The following CLSPN variants were observed in gnomAD, a reference collection of about 807,000 sequenced individuals.
The protein encoded by CLSPN is claspin homolog.
A neutral mutation model predicts 156.3 loss-of-function variants in CLSPN; 85 were observed. The ratio of observed to expected loss-of-function variants is 0.54; its 90% confidence interval spans 0.46 to 0.65. The LOEUF is 0.65. CLSPN is among the 30% of genes least tolerant of loss of function. CLSPN has a pLI of 0.00. For missense variants in CLSPN, 1,407 were observed against 1,554.9 expected (o/e 0.90, Z 1.60); for synonymous variants, 534 against 542.4 (o/e 0.98, Z 0.22).
At chr1:35,740,002 T>C (rs1641638251) in intron 18 of CLSPN, among the ~76,000 whole-genome samples, 1 of 152,218 alleles carries the variant, frequency 6.6e-6, no homozygotes, top group Non-Finnish European at 1.5e-5. Flanking sequence ...CAAGGTCACA[T>C]AGCTAGAAGG....
rs116320400 is a variant in CLSPN at position 35,753,784 on chromosome 1, C to T, written c.1732G>A (p.Ala578Thr). Residue 578 changes from alanine to threonine, a missense_variant, in exon 9 of 25, where the codon GCA becomes ACA. Coordinates refer to ENST00000318121, the MANE Select transcript of CLSPN (RefSeq NM_022111.4). ...LKADVVPVTLAPKKLDGASHT... is the reference protein window; with the variant it reads ...LKADVVPVTLTPKKLDGASHT... The stretch of plus-strand genomic sequence containing the variant: ...CTTGCTCCATCCAACTTCTTAGGTG[C>T]TAAAGTCACAGGTACCACATCTGCT... 1.4e-4 allele frequency: 229 copies of T among 1,614,198 alleles called. 2 individuals are homozygous for T. In the African/African-American group the frequency reaches 2.7e-3, roughly 19 times the overall value.
intron 1 of CLSPN, among the ~76,000 whole-genome samples, chr1:35,766,704 A>C (rs1642688268): frequency 6.6e-6 from 1 of 152,104 alleles, no homozygotes; most frequent in Non-Finnish European, 1.5e-5. Context: ...TCAGCCTCCC[A>C]AAGTGGTGGG....
chr1:35,768,112 G>A (rs1481770871), intron 1 of CLSPN, among the ~76,000 whole-genome samples: 1 of 152,222 alleles, frequency 6.6e-6, no homozygotes, highest in Non-Finnish European at 1.5e-5. Context: ...GCTCACGCCT[G>A]TAATCCCAGC....
intron 4 of CLSPN, among the ~76,000 whole-genome samples, chr1:35,762,715 GATA>G (rs1478744206): frequency 6.6e-6 from 1 of 152,008 alleles, no homozygotes; most frequent in Non-Finnish European, 1.5e-5. Flanking sequence ...CCTAAAGAGG[GATA>G]ATAACTCGCA....
rs1641525323 is a variant in CLSPN at position 35,737,706 on chromosome 1, C to CT, written c.3664+285dup. 6.5e-6 allele frequency: 3 copies of CT among 460,312 alleles called. No homozygotes were observed. In the South Asian group the frequency reaches 1.3e-4, roughly 20 times the overall value. The allele number at this position is 460,312 out of a possible 1,614,324, so 28.5% of individuals were successfully genotyped here. A position where few individuals can be genotyped will look rare whatever the true frequency, so the allele number is the denominator to read the frequency against. On this transcript the variant is annotated intron_variant, in intron 22 of 24. Transcript: ENST00000318121. ...CTGGATTCAAATCCTACCTCTAACA[C>CT]TTAGGTATACAATCCTGGGCAACTA...
rs760992491 is a variant in CLSPN, at chr1:35,760,362, A to G, written c.1559T>C (p.Leu520Pro). 3 of 1,613,298 alleles carry G rather than the reference A, an allele frequency of 1.9e-6. No homozygotes were observed. Among genetic ancestry groups the G allele is most frequent in the South Asian group, 1.1e-5 (1 of 90,990 alleles). ...LGADEDSFVILEPETNRELEA... is the reference protein window; with the variant it reads ...LGADEDSFVIPEPETNRELEA... ...ATTACCTCTGTTGGTTTCAGGTTCAAGTATCACAAAGGAATCTTCATCAGC... is the reference window on the plus strand; with the variant it reads ...ATTACCTCTGTTGGTTTCAGGTTCAGGTATCACAAAGGAATCTTCATCAGC... The change falls in exon 8 of 25, where the codon CTT becomes CCT. Residue 520 changes from leucine to proline, a missense_variant. Physicochemically the swap from Leu to Pro is moderately conservative, Grantham distance 98 (BLOSUM62 -3). This residue lies in a region of CLSPN where 1,096 missense variants were observed against 1,193.0 expected (regional missense o/e 0.92). Transcript: ENST00000318121.
At chr1:35,725,032 G>T (rs1641146505) in intron 24 of CLSPN, among the ~76,000 whole-genome samples, 3 of 152,160 alleles carry the variant, frequency 2.0e-5, no homozygotes, top group Admixed American at 2.0e-4. Flanking sequence ...CATTTTTAGA[G>T]CCTTGAAGTA....
intron 10 of CLSPN, 101 bp downstream of exon 10, chr1:35,751,147 CCT>C (rs933402202): frequency 6.9e-7 from 1 of 1,457,430 alleles, no homozygotes; most frequent in African/African-American, 1.4e-5. Context: ...GCCCCTAAAA[CCT>C]CTTATACAAT....
intron 21 of CLSPN, 45 bp from the exon 22 acceptor site, chr1:35,738,142 AG>A: frequency 1.4e-6 from 1 of 721,514 alleles, no homozygotes. Flanking sequence ...ATATATATAC[AG>A]CATTAAAAGT....
chr1:35,744,062 C>T (rs1210295410), intron 16 of CLSPN, among the ~76,000 whole-genome samples: 1 of 152,118 alleles, frequency 6.6e-6, no homozygotes, highest in African/African-American at 2.4e-5. Context: ...GTGTTAAGTA[C>T]ATTCATATTG....
chr1:35,749,523 G>T lies in CLSPN; in HGVS notation c.2216C>A (p.Pro739His). The T allele has an allele frequency of 6.2e-7, 1 of 1,614,006 alleles. No homozygotes were observed. The highest frequency in any genetic ancestry group is 1.1e-5 in the South Asian group (1 of 91,066). ...KDSSSKMGYF[P>H]TEEKSETDEN... ...ATCTGTTTCTGATTTTTCTTCAGTA[G>T]GAAAGTAACTGCAAAATAAGAAAGT... Residue 739 changes from proline to histidine, a missense_variant, in exon 12 of 25, where the codon CCT becomes CAT. Physicochemically the swap from Pro to His is moderately conservative, Grantham distance 77. Coordinates refer to ENST00000318121, the MANE Select transcript of CLSPN (RefSeq NM_022111.4).
chr1:35,763,630 T>C (rs145398895), intron 3 of CLSPN, among the ~76,000 whole-genome samples: 3 of 152,326 alleles, frequency 2.0e-5, no homozygotes, highest in African/African-American at 7.2e-5. Context: ...GACTACTGAC[T>C]GATAGATGCA....
chr1:35,748,656 T>C, intron 12 of CLSPN, 52 bp from the exon 13 acceptor site: 1 of 1,491,118 alleles, frequency 6.7e-7, no homozygotes, highest in Non-Finnish European at 9.3e-7. Context: ...ATAAGGTGGA[T>C]TTGTTTAGGA....
chr1:35,726,456 G>A (rs1641192227), intron 24 of CLSPN, among the ~76,000 whole-genome samples: 1 of 149,058 alleles, frequency 6.7e-6, no homozygotes, highest in Non-Finnish European at 1.5e-5. Flanking sequence ...GCTAAAACCT[G>A]TAAATAAACA....
chr1:35,764,748 C>T (rs370132211), intron 2 of CLSPN, 34 bp from the exon 3 acceptor site: 4 of 1,388,346 alleles, frequency 2.9e-6, no homozygotes, highest in African/African-American at 2.9e-5. Context: ...ATTATACCAT[C>T]ATTTGATCTT....
intron 20 of CLSPN, among the ~76,000 whole-genome samples, chr1:35,738,800 C>CTTTTTTTTTTTT (rs66781105): frequency 1.0e-5 from 1 of 96,380 alleles, no homozygotes; most frequent in Non-Finnish European, 2.3e-5. Flanking sequence ...TAACTGTTTG[C>CTTTTTTTTTTTT]TTTTTTTTTT....
chr1:35,738,533 C>T lies in CLSPN; in HGVS notation c.3480G>A (p.Gln1160=), dbSNP rs1641564908. The change falls in exon 21 of 25, where the codon CAG becomes CAA. Residue 1160 remains glutamine, a synonymous_variant. Transcript: ENST00000318121. ...DLFHRDSDDD[Q]TEEQLDESEA... is the part of the protein sequence containing the mutation. ...CTGACTCATCAAGCTGTTCTTCAGT[C>T]TGATCATCATCAGAGTCTCTGTGGA... The T allele has an allele frequency of 2.5e-6, 4 of 1,613,958 alleles. No individual in the cohort carries two copies. The South Asian group carries it at 3.3e-5, about 13-fold the overall frequency.
rs572033499 is a variant in CLSPN at position 35,750,939 on chromosome 1, C to T, written c.2028+311G>A. 4.6e-5 allele frequency among the ~76,000 whole-genome samples: 7 copies of T among 151,774 alleles called. No homozygotes were observed. The East Asian group carries it at 7.8e-4, about 17-fold the overall frequency. The stretch of plus-strand genomic sequence containing the variant: ...TAAACAACAAAGATAAAATTTCCTA[C>T]GAATACAAAGCCATTTTTAATATTA... On this transcript the variant is annotated intron_variant, in intron 10 of 24. Transcript: ENST00000318121.
intron 18 of CLSPN, among the ~76,000 whole-genome samples, chr1:35,742,105 G>T (rs141783970): frequency 6.6e-6 from 1 of 150,508 alleles, no homozygotes; most frequent in Non-Finnish European, 1.5e-5. Flanking sequence ...ACAAAGCAAG[G>T]CCCCATCTCT....
Sources: allele counts gnomAD v4.1 joint callset (sites outside exome capture counted in the v4.1 genomes callset), GRCh38; gene constraint gnomAD v4.1.1; regional missense constraint gnomAD v4.1.1; transcripts MANE v1.5; gene names NCBI Gene and HGNC (gene_info 2026-07-23, HGNC 2026-07-21).